GPHN: variants seen among roughly 807,000 people sequenced by gnomAD.
The protein encoded by GPHN is gephyrin.
A neutral mutation model predicts 95.5 loss-of-function variants in GPHN; 17 were observed. The observed-to-expected ratio is 0.18, with a 90% CI of 0.12 to 0.27. The LOEUF is 0.27. GPHN is among the 10% of genes least tolerant of loss of function. The pLI is 1.00. For synonymous variants in GPHN, 320 were observed against 322.5 expected (o/e 0.99, Z 0.08); for missense variants, 660 against 978.1 (o/e 0.67, Z 4.34).
chr14:66,796,738 G>A (rs1043467775), intron 3 of GPHN, among the ~76,000 whole-genome samples: 2 of 151,748 alleles, frequency 1.3e-5, no homozygotes, highest in African/African-American at 4.8e-5. Flanking sequence ...TTGTCCGATG[G>A]GTAGCTTGCA....
At chr14:67,469,911 G>A in the GPHN span, among the ~76,000 whole-genome samples, 1 of 152,172 alleles carries the variant, frequency 6.6e-6, no homozygotes, top group South Asian at 2.1e-4. Flanking sequence ...TCAGGTCATG[G>A]CTGGTGTTTC....
chr14:67,566,034 G>A, the GPHN span, among the ~76,000 whole-genome samples: 2 of 152,296 alleles, frequency 1.3e-5, no homozygotes, highest in South Asian at 2.1e-4. Flanking sequence ...CAGTAGAATC[G>A]CTTGAACCCA....
At chr14:67,339,943 T>C in the GPHN span, 3 of 138,626 alleles carry the variant, frequency 2.2e-5, no homozygotes, top group Admixed American at 1.6e-4. Context: ...CTACTAAAAG[T>C]ACAAAAAAAT....
At chr14:67,501,169 G>A in the GPHN span, among the ~76,000 whole-genome samples, 1 of 151,870 alleles carries the variant, frequency 6.6e-6, no homozygotes, top group African/African-American at 2.4e-5. Flanking sequence ...TGAACGAAAT[G>A]CAAACCTCCA....
chr14:66,516,031 C>T (rs1408252262), intron 1 of GPHN, among the ~76,000 whole-genome samples: 2 of 146,188 alleles, frequency 1.4e-5, no homozygotes, highest in Non-Finnish European at 3.0e-5. Flanking sequence ...TTTTTTGAGA[C>T]GGACTCACTC....
the GPHN span, among the ~76,000 whole-genome samples, chr14:67,430,034 T>G: frequency 6.6e-6 from 1 of 152,306 alleles, no homozygotes; most frequent in Admixed American, 6.5e-5. Context: ...CCAAAGTCGC[T>G]GCTCTTAATG....
At chr14:66,802,860 T>C (rs1424395465) in intron 3 of GPHN, among the ~76,000 whole-genome samples, 2 of 152,052 alleles carry the variant, frequency 1.3e-5, no homozygotes, top group Admixed American at 1.3e-4. Context: ...CTTTGTCTCC[T>C]CTCCTCAAGT....
intron 2 of GPHN, among the ~76,000 whole-genome samples, chr14:66,735,453 C>T (rs2072178056): frequency 6.6e-6 from 1 of 152,088 alleles, no homozygotes; most frequent in Non-Finnish European, 1.5e-5. Context: ...TTGTACCCAT[C>T]CCATTAGTAA....
At chr14:67,440,273 T>C in the GPHN span, among the ~76,000 whole-genome samples, 1 of 152,150 alleles carries the variant, frequency 6.6e-6, no homozygotes, top group African/African-American at 2.4e-5. Context: ...TTCCCAAAGA[T>C]CGAACCTCCT....
chr14:66,743,037 A>C (rs1375547179), intron 2 of GPHN, among the ~76,000 whole-genome samples: 1 of 152,060 alleles, frequency 6.6e-6, no homozygotes, highest in Admixed American at 6.6e-5. Context: ...AGTTGGAGTT[A>C]GGACTGTTGT....
At chr14:67,148,768 A>G (rs565361573) in intron 18 of GPHN, among the ~76,000 whole-genome samples, 252 of 151,484 alleles carry the variant, frequency 1.7e-3, no homozygotes, top group African/African-American at 5.6e-3. Flanking sequence ...GGGTTTCACC[A>G]TGTTAGCCAG....
chr14:67,144,286 T>TATATATATATATATATATATAC lies in GPHN; in HGVS notation c.1836+838_1836+839insTATATATATATATATATATACA, dbSNP rs1421893686. On this transcript the variant is annotated intron_variant, in intron 18 of 22. Transcript: ENST00000478722. ...ATATATATATATATATATATATATATACACACACACATACACAAATATTTT... is the reference window on the plus strand; with the variant it reads ...ATATATATATATATATATATATATATATATATATATATATATATATACACACACACACATACACAAATATTTT... Among the ~76,000 whole-genome samples the TATATATATATATATATATATAC allele has an allele frequency of 4.4e-4, 34 of 78,108 alleles. 1 individual carries two copies. The highest frequency in any genetic ancestry group is 3.5e-3 in the East Asian group (6 of 1,730). 51.2% of individuals were successfully genotyped at this position (78,108 alleles called of 152,430 possible).
the GPHN span, among the ~76,000 whole-genome samples, chr14:67,445,697 C>T: frequency 4.6e-5 from 7 of 150,574 alleles, no homozygotes. Flanking sequence ...GATCCTCCCA[C>T]CTCAGTCCTC....
At chr14:66,538,289 T>C (rs1743011620) in intron 1 of GPHN, among the ~76,000 whole-genome samples, 1 of 152,144 alleles carries the variant, frequency 6.6e-6, no homozygotes, top group South Asian at 2.1e-4. Flanking sequence ...CATGGGTTTC[T>C]TTGCATTTAT....
chr14:67,501,424 G>C, the GPHN span, among the ~76,000 whole-genome samples: 1 of 152,144 alleles, frequency 6.6e-6, no homozygotes, highest in African/African-American at 2.4e-5. Flanking sequence ...GAGTGCAGTG[G>C]CATGATCATA....
chr14:67,380,691 A>G, the GPHN span: 1 of 1,582,762 alleles, frequency 6.3e-7, no homozygotes. Context: ...TTAGATTTGA[A>G]TGAAGATGAA....
At chr14:67,423,121 C>A in the GPHN span, among the ~76,000 whole-genome samples, 1 of 152,088 alleles carries the variant, frequency 6.6e-6, no homozygotes, top group African/African-American at 2.4e-5. Context: ...GGGTGAGCCA[C>A]CGAGCGGTGG....
chr14:67,331,156 T>C, the GPHN span, among the ~76,000 whole-genome samples: 2 of 152,274 alleles, frequency 1.3e-5, no homozygotes, highest in Admixed American at 1.3e-4. Flanking sequence ...GTGATTCTCA[T>C]GCCTCAGCCT....
intron 4 of GPHN, among the ~76,000 whole-genome samples, chr14:66,829,290 A>G (rs1372533480): frequency 1.3e-5 from 2 of 151,696 alleles, no homozygotes; most frequent in Admixed American, 6.6e-5. Flanking sequence ...GTTTCGCCAC[A>G]TTGGCCAGGA....
Sources: gnomAD v4.1 joint callset for allele counts (sites outside exome capture counted in the v4.1 genomes callset) on GRCh38, gnomAD v4.1.1 for gene constraint, MANE v1.5 for transcripts, NCBI Gene and HGNC (gene_info 2026-07-23, HGNC 2026-07-21) for gene names.